The following F9 variants were observed in gnomAD, a reference collection of about 807,000 sequenced individuals.
F9 encodes coagulation factor IX, also known as Christmas factor.
F9 carries 2 observed loss-of-function variants against 34.1 expected under a neutral mutation model. The observed-to-expected ratio is 0.06, with a 90% CI of 0.02 to 0.18. The LOEUF is 0.18. Ranked by LOEUF, F9 falls within the 10% of genes least tolerant of loss-of-function variation. The pLI is 1.00. For missense variants in F9, 216 were observed against 345.1 expected (o/e 0.63, Z 2.96); for synonymous variants, 137 against 118.8 (o/e 1.15, Z -1.00).
chrX:139,542,931 G>A (rs963925297), intron 4 of F9, among the ~76,000 whole-genome samples: 3 of 111,229 alleles, frequency 2.7e-5, no homozygotes, highest in African/African-American at 9.8e-5. Flanking sequence ...TCTGATCAAG[G>A]TTTAGAAAAA....
chrX:139,552,008 G>C (rs1055638897), intron 6 of F9, among the ~76,000 whole-genome samples: 1 of 109,634 alleles, frequency 9.1e-6, no homozygotes, highest in Non-Finnish European at 1.9e-5. Flanking sequence ...TGGGCAACAC[G>C]GCGAAACCCC....
intron 2 of F9, 85 bp downstream of exon 2, chrX:139,537,258 GC>G (rs1442768478): frequency 9.0e-7 from 1 of 1,111,175 alleles, no homozygotes; most frequent in Non-Finnish European, 1.2e-6. Flanking sequence ...AAATTTTAAA[GC>G]ATCCATATAT....
chrX:139,543,881 C>T (rs1927658118), intron 4 of F9, among the ~76,000 whole-genome samples: 1 of 111,899 alleles, frequency 8.9e-6, no homozygotes, highest in Non-Finnish European at 1.9e-5. Flanking sequence ...CCCATTCTAA[C>T]TGTTCCTTAG....
intron 4 of F9, among the ~76,000 whole-genome samples, chrX:139,546,330 G>A (rs190656131): frequency 1.8e-5 from 2 of 111,681 alleles, no homozygotes; most frequent in East Asian, 5.6e-4. Flanking sequence ...TGTCATTGAT[G>A]GGCATTTAGG....
chrX:139,537,449 T>TC (rs1319468246), intron 3 of F9, 63 bp downstream of exon 3: 5 of 933,074 alleles, frequency 5.4e-6, no homozygotes, highest in Non-Finnish European at 7.7e-6. Context: ...GTGGGTTTTT[T>TC]CTCTGCATAA....
rs144095186 is a variant in F9 at position 139,533,036 on chromosome X, G to A, written c.88+2184G>A. Among the ~76,000 whole-genome samples, 184 of 111,524 alleles carry A rather than the reference G, an allele frequency of 1.6e-3. 3 individuals carry two copies. The highest frequency in any genetic ancestry group is 0.016 in the East Asian group (55 of 3,526). On this transcript the variant is annotated intron_variant, in intron 1 of 7. Coordinates refer to ENST00000218099, the MANE Select transcript of F9 (RefSeq NM_000133.4). The stretch of plus-strand genomic sequence containing the variant: ...TGAAATGATAGTGGGGGAGGGGGCC[G>A]TACCAAGACTAGGAGAGAGCAGTCC...
chrX:139,558,842 A>T (rs1382179476), intron 6 of F9, among the ~76,000 whole-genome samples: 1 of 112,094 alleles, frequency 8.9e-6, no homozygotes, highest in African/African-American at 3.2e-5. Flanking sequence ...CTGATAAATT[A>T]AGCTTCGATT....
At chrX:139,540,631 T>A (rs1423357852) in intron 3 of F9, among the ~76,000 whole-genome samples, 2 of 111,981 alleles carry the variant, frequency 1.8e-5, no homozygotes, top group Non-Finnish European at 3.8e-5. Flanking sequence ...CCATATATTA[T>A]CTAGCTCAGT....
Position 139,557,546 on chromosome X carries a change from G to A in F9, c.724-3195G>A, listed in dbSNP as rs927375124. Among the ~76,000 whole-genome samples the A allele has an allele frequency of 2.7e-5, 3 of 112,006 alleles. No homozygotes were observed. In the East Asian group the frequency reaches 8.5e-4, roughly 32 times the overall value. ...ATAATCTCTCTGCCCAGGGGCTGTG[G>A]ATGTCATCCATCCTGGCCTAACTAG... On this transcript the variant is annotated intron_variant, in intron 6 of 7. Coordinates refer to ENST00000218099, the MANE Select transcript of F9 (RefSeq NM_000133.4).
chrX:139,561,626 A>G lies in F9; in HGVS notation c.941A>G (p.His314Arg). The G allele has an allele frequency of 8.3e-7, 1 of 1,211,581 alleles. No individual in the cohort carries two copies. The highest frequency in any genetic ancestry group is 1.1e-6 in the Non-Finnish European group (1 of 895,151). Residue 314 changes from histidine (H) to arginine (R), a missense_variant, in exon 8 of 8, where the codon CAT (histidine) becomes CGT (arginine). His to Arg is a conservative substitution (Grantham distance 29). Around this residue, in one of 2 missense-constraint regions of F9, gnomAD observed 177 missense variants for 311.8 expected, o/e 0.57. Transcript: ENST00000218099. ...AATGCAGCTATTAATAAGTACAACC[A>G]TGACATTGCCCTTCTGGAACTGGAC... ...NYNAAINKYN[H>R]DIALLELDEP...
chrX:139,533,448 T>C (rs1350274091), intron 1 of F9, among the ~76,000 whole-genome samples: 2 of 112,505 alleles, frequency 1.8e-5, no homozygotes, highest in African/African-American at 3.2e-5. Context: ...GAGCACAGTG[T>C]CCAACACAGC....
At chrX:139,551,846 A>T (rs186963405) in intron 6 of F9, among the ~76,000 whole-genome samples, 238 of 111,583 alleles carry the variant, frequency 2.1e-3, no homozygotes, top group African/African-American at 7.5e-3. Context: ...GGTGGGGCCC[A>T]GCAGTCTGTG....
chrX:139,555,516 C>A (rs1318895444), intron 6 of F9, among the ~76,000 whole-genome samples: 3 of 112,711 alleles, frequency 2.7e-5, no homozygotes, highest in African/African-American at 9.7e-5. Flanking sequence ...CTCCTAAAGC[C>A]AAAGGCACTG....
chrX:139,560,216 G>A (rs1225568045), intron 6 of F9, among the ~76,000 whole-genome samples: 1 of 111,835 alleles, frequency 8.9e-6, no homozygotes, highest in Non-Finnish European at 1.9e-5. Flanking sequence ...CCTTATGGAG[G>A]CCTTAGGTCT....
At position 139,562,217 on chromosome X, in the gene F9, A is replaced by G. The variant is rs1928139589; in HGVS notation, c.*146A>G. The G allele has an allele frequency of 1.9e-6, 1 of 527,615 alleles. No homozygotes were observed. Among genetic ancestry groups the G allele is most frequent in the East Asian group, 3.6e-5 (1 of 27,491 alleles). The allele number at this position is 527,615 out of a possible 1,213,427, so 43.5% of individuals were successfully genotyped here. On this transcript the variant is annotated 3_prime_UTR_variant, in exon 8 of 8. Transcript: ENST00000218099. ...TTCTCTTTACAGGGGAGAATTTCAT[A>G]TTTTACCTGAGCAAATTGATTAGAA... is the stretch of plus-strand genomic sequence containing the variant.
intron 1 of F9, among the ~76,000 whole-genome samples, chrX:139,533,928 A>G (rs1232158422): frequency 8.9e-6 from 1 of 111,984 alleles, no homozygotes; most frequent in East Asian, 2.8e-4. Context: ...GAGTTAATCA[A>G]TTCAAGTGCT....
At chrX:139,556,408 C>A (rs1569331696) in intron 6 of F9, among the ~76,000 whole-genome samples, 1 of 111,626 alleles carries the variant, frequency 9.0e-6, no homozygotes, top group Non-Finnish European at 1.9e-5. Flanking sequence ...TTAAAGGTAC[C>A]CTGTACAGCT....
chrX:139,551,400 T>C (rs1033662244), intron 6 of F9, 136 bp downstream of exon 6: 1 of 558,568 alleles, frequency 1.8e-6, no homozygotes, highest in African/African-American at 2.3e-5. Flanking sequence ...CACTAACCAA[T>C]GTGAGAAGGC....
intron 4 of F9, chrX:139,544,872 T>C (rs988992288): frequency 2.7e-5 from 3 of 112,116 alleles, no homozygotes; most frequent in African/African-American, 9.7e-5. Flanking sequence ...TGTCTGTCAG[T>C]ATCTGTCTCT....
Sources: allele counts gnomAD v4.1 joint callset (sites outside exome capture counted in the v4.1 genomes callset), GRCh38; gene constraint gnomAD v4.1.1; regional missense constraint gnomAD v4.1.1; transcripts MANE v1.5; gene names NCBI Gene and HGNC (gene_info 2026-07-23, HGNC 2026-07-21).